CADPS: variants seen among roughly 807,000 people sequenced by gnomAD.
CADPS encodes the protein calcium-dependent secretion activator 1.
CADPS carries 57 observed loss-of-function variants against 167.3 expected under a neutral mutation model. The observed-to-expected ratio is 0.34, with a 90% CI of 0.28 to 0.42. CADPS has a LOEUF of 0.42. CADPS is among the 20% of genes least tolerant of loss of function. The pLI is 1.00. For missense variants in CADPS, 1,414 were observed against 1,738.1 expected (o/e 0.81, Z 3.32); for synonymous variants, 676 against 635.3 (o/e 1.06, Z -0.96).
intron 23 of CADPS, among the ~76,000 whole-genome samples, chr3:62,477,747 A>T (rs2061504510): frequency 6.6e-6 from 1 of 152,208 alleles, no homozygotes. Flanking sequence ...TTTCAACAAG[A>T]CAACTACAAG....
At chr3:62,730,730 T>C (rs1345115291) in intron 3 of CADPS, among the ~76,000 whole-genome samples, 2 of 152,212 alleles carry the variant, frequency 1.3e-5, no homozygotes, top group African/African-American at 2.4e-5. Flanking sequence ...TGTTCTTCCA[T>C]TGCAAAGCTG....
At position 62,472,409 on chromosome 3, in the gene CADPS, G is replaced by T. The variant is rs544515266; in HGVS notation, c.3477+1764C>A. Among the ~76,000 whole-genome samples the T allele has an allele frequency of 2.6e-5, 4 of 152,272 alleles. No homozygotes were observed. In the South Asian group the frequency reaches 6.2e-4, roughly 24 times the overall value. On this transcript the variant is annotated intron_variant, in intron 24 of 29. Coordinates refer to ENST00000383710, the MANE Select transcript of CADPS (RefSeq NM_003716.4). ...GGGGAGAAAAATTAAGGAGGAACAGGATTCTGGAAAATATGAACTCAAAGG... is the reference window on the plus strand; with the variant it reads ...GGGGAGAAAAATTAAGGAGGAACAGTATTCTGGAAAATATGAACTCAAAGG...
intron 11 of CADPS, among the ~76,000 whole-genome samples, chr3:62,545,357 C>T (rs894681788): frequency 6.6e-6 from 1 of 152,062 alleles, no homozygotes; most frequent in African/African-American, 2.4e-5. Context: ...AATCGTGGAA[C>T]ACTCAGCTAC....
Position 62,446,375 on chromosome 3 carries a change from G to A in CADPS, c.3637-578C>T, listed in dbSNP as rs1007685471. Among the ~76,000 whole-genome samples, 1 of 152,166 alleles carries A rather than the reference G, an allele frequency of 6.6e-6. No individual in the cohort carries two copies. Among genetic ancestry groups the A allele is most frequent in the Non-Finnish European group, 1.5e-5 (1 of 68,034 alleles). On this transcript the variant is annotated intron_variant, in intron 26 of 29. Coordinates refer to ENST00000383710, the MANE Select transcript of CADPS (RefSeq NM_003716.4). This position sits in a 1 kb window ranked among gnomAD's most constrained non-coding sequence, Gnocchi z 4.9. ...ACGTGCTAAAAATTCCAGATGGGAA[G>A]TGCAGGAAGTGGTTATAAAATTTTT...
At chr3:62,809,556 C>T (rs9854417) in intron 1 of CADPS, among the ~76,000 whole-genome samples, 1 of 152,230 alleles carries the variant, frequency 6.6e-6, no homozygotes, top group East Asian at 1.9e-4. Context: ...TGTCATCTCC[C>T]CAGACTGCCC....
chr3:62,841,327 A>G (rs1282958682), intron 1 of CADPS, among the ~76,000 whole-genome samples: 1 of 152,226 alleles, frequency 6.6e-6, no homozygotes, highest in African/African-American at 2.4e-5. Context: ...ACATGTGCAC[A>G]TTCACACAGT....
At chr3:62,499,052 T>G in intron 18 of CADPS, 110 bp downstream of exon 18, 1 of 613,944 alleles carries the variant, frequency 1.6e-6, no homozygotes, top group South Asian at 2.5e-5. Context: ...GCAATCCCAG[T>G]TAAAAGAAAA....
intron 6 of CADPS, among the ~76,000 whole-genome samples, chr3:62,622,617 T>C (rs1563008918): frequency 6.6e-6 from 1 of 152,184 alleles, no homozygotes; most frequent in African/African-American, 2.4e-5. Flanking sequence ...TCCTGGTTCC[T>C]TCTTTTATAA....
At chr3:62,582,048 AGT>A (rs1344400454) in intron 8 of CADPS, among the ~76,000 whole-genome samples, 9 of 152,242 alleles carry the variant, frequency 5.9e-5, no homozygotes, top group Non-Finnish European at 1.2e-4. Flanking sequence ...AAAGAACCAC[AGT>A]GCACACCAAT....
chr3:62,873,615 G>A (rs997282299), intron 1 of CADPS, among the ~76,000 whole-genome samples: 47 of 88,100 alleles, frequency 5.3e-4, no homozygotes, highest in Admixed American at 1.7e-3. Context: ...AGAAATAGGC[G>A]CCTTTTTTTT....
chr3:62,701,620 A>T (rs2081404649), intron 3 of CADPS, among the ~76,000 whole-genome samples: 1 of 151,276 alleles, frequency 6.6e-6, no homozygotes, highest in South Asian at 2.1e-4. Flanking sequence ...AAAAAAAAAA[A>T]AAGAAAGAAA....
At chr3:62,593,280 G>A (rs766039824) in intron 6 of CADPS, among the ~76,000 whole-genome samples, 1 of 152,198 alleles carries the variant, frequency 6.6e-6, no homozygotes, top group South Asian at 2.1e-4. Flanking sequence ...AGGTCAAAGA[G>A]AGATTGGAAG....
intron 13 of CADPS, among the ~76,000 whole-genome samples, chr3:62,529,751 C>T (rs185538995): frequency 1.2e-3 from 184 of 152,184 alleles, no homozygotes; most frequent in African/African-American, 4.2e-3. Context: ...TACAAGTGAA[C>T]GGTATACATT....
chr3:62,654,681 C>A (rs544993805), intron 4 of CADPS, among the ~76,000 whole-genome samples: 1 of 152,224 alleles, frequency 6.6e-6, no homozygotes, highest in Non-Finnish European at 1.5e-5. Flanking sequence ...AGGTTACATC[C>A]CAAGAGCCTG....
intron 11 of CADPS, among the ~76,000 whole-genome samples, chr3:62,549,121 C>G (rs1389175116): frequency 6.6e-6 from 1 of 152,170 alleles, no homozygotes. Flanking sequence ...CTCTGATTGA[C>G]TTGATATTCA....
intron 1 of CADPS, among the ~76,000 whole-genome samples, chr3:62,791,305 T>C (rs2092926256): frequency 6.6e-6 from 1 of 152,160 alleles, no homozygotes; most frequent in Non-Finnish European, 1.5e-5. Context: ...ATGACTAGTG[T>C]GAATGAAGAA....
chr3:62,851,735 A>G (rs1346575426), intron 1 of CADPS, among the ~76,000 whole-genome samples: 3 of 148,618 alleles, frequency 2.0e-5, no homozygotes, highest in Admixed American at 6.7e-5. Flanking sequence ...ACTTTGGTGA[A>G]TCTGACAATT....
intron 1 of CADPS, among the ~76,000 whole-genome samples, chr3:62,777,764 T>C (rs998123327): frequency 5.3e-5 from 8 of 152,114 alleles, no homozygotes; most frequent in African/African-American, 1.9e-4. Flanking sequence ...ATGGAGACCT[T>C]CTACAAAGGG....
chr3:62,830,245 T>C (rs1446977800), intron 1 of CADPS, among the ~76,000 whole-genome samples: 1 of 152,146 alleles, frequency 6.6e-6, no homozygotes, highest in Non-Finnish European at 1.5e-5. Context: ...TCTTTGAAAA[T>C]AATTCTCCCC....
Sources: allele counts gnomAD v4.1 joint callset (sites outside exome capture counted in the v4.1 genomes callset), GRCh38; gene constraint gnomAD v4.1.1; non-coding constraint Gnocchi (gnomAD v3.1); transcripts MANE v1.5; gene names NCBI Gene and HGNC (gene_info 2026-07-23, HGNC 2026-07-21).